Variants in FGF13 observed in about 807,000 individuals in gnomAD.
FGF13 encodes the protein fibroblast growth factor 13, also known as fibroblast growth factor homologous factor 2.
FGF13 carries 2 observed loss-of-function variants against 19.5 expected under a neutral mutation model. The observed-to-expected ratio is 0.10, with a 90% confidence interval of 0.04 to 0.32. FGF13 has a LOEUF of 0.32. Ranked by LOEUF, FGF13 falls within the 10% of genes least tolerant of loss-of-function variation. FGF13 has a pLI of 1.00. For synonymous variants in FGF13, 72 were observed against 76.9 expected (o/e 0.94, Z 0.33); for missense variants, 113 against 192.7 (o/e 0.59, Z 2.45).
At chrX:139,060,645 G>C (rs1021861273) in intron 1 of FGF13, among the ~76,000 whole-genome samples, 6 of 111,362 alleles carry the variant, frequency 5.4e-5, no homozygotes, top group African/African-American at 2.0e-4. Context: ...CTCCATTGTG[G>C]TAATCATATA....
At chrX:138,891,303 T>A (rs2091475866) in intron 1 of FGF13, among the ~76,000 whole-genome samples, 1 of 110,860 alleles carries the variant, frequency 9.0e-6, no homozygotes, top group Admixed American at 9.6e-5. Flanking sequence ...GAAAAAAAAA[T>A]TGTTCCTCAC....
At chrX:139,124,054 C>T (rs1001882008) in intron 1 of FGF13, among the ~76,000 whole-genome samples, 1 of 112,330 alleles carries the variant, frequency 8.9e-6, no homozygotes, top group Non-Finnish European at 1.9e-5. Context: ...CGGGGAACCC[C>T]ACTCTCTTGA....
intron 1 of FGF13, among the ~76,000 whole-genome samples, chrX:138,947,745 A>T (rs2091789141): frequency 8.9e-6 from 1 of 111,868 alleles, no homozygotes; most frequent in Admixed American, 9.5e-5. Flanking sequence ...CTGAACTGTC[A>T]CTACCCAAAG....
At chrX:138,915,350 C>G (rs1164435900) in intron 1 of FGF13, among the ~76,000 whole-genome samples, 2 of 111,612 alleles carry the variant, frequency 1.8e-5, no homozygotes, top group Non-Finnish European at 3.8e-5. Context: ...ATCCAATAAA[C>G]TTGGAAGAAG....
chrX:138,801,971 C>T (rs982632620), intron 3 of FGF13, among the ~76,000 whole-genome samples: 3 of 112,072 alleles, frequency 2.7e-5, no homozygotes, highest in Admixed American at 9.4e-5. Flanking sequence ...CAGACTGCTG[C>T]GCTGGCAGCA....
rs55905530 is a variant in FGF13 at position 138,962,224 on chromosome X, G to T, written c.-112-97574C>A. Among the ~76,000 whole-genome samples, 569 of 112,353 alleles carry T rather than the reference G, an allele frequency of 5.1e-3. 4 individuals carry two copies. The highest frequency in any genetic ancestry group is 8.0e-3 in the Non-Finnish European group (425 of 53,276). On this transcript the variant is annotated intron_variant, in intron 1 of 2. Transcript: ENST00000421460. ...CTTCTCAAAAGAAGACATTTATGCAGCCAACAGACACATGAAAAAATGCTC... is the reference window on the plus strand; with the variant it reads ...CTTCTCAAAAGAAGACATTTATGCATCCAACAGACACATGAAAAAATGCTC...
At chrX:139,078,577 CA>C (rs2083347375) in intron 1 of FGF13, among the ~76,000 whole-genome samples, 1 of 112,901 alleles carries the variant, frequency 8.9e-6, no homozygotes, top group African/African-American at 3.2e-5. Context: ...AGTTCCATAA[CA>C]AATGCAGATC....
intron 1 of FGF13, among the ~76,000 whole-genome samples, chrX:139,034,156 T>C (rs2092242247): frequency 8.9e-6 from 1 of 111,970 alleles, no homozygotes. Flanking sequence ...CCAGGCACTG[T>C]GCTAGGTGCT....
chrX:138,693,163 AT>A (rs2089856337), intron 3 of FGF13, among the ~76,000 whole-genome samples: 1 of 112,069 alleles, frequency 8.9e-6, no homozygotes, highest in Admixed American at 9.5e-5. Flanking sequence ...TTTTCTTCAT[AT>A]TTTAGTGAAA....
chrX:139,180,000 T>C (rs2089002394), intron 1 of FGF13, among the ~76,000 whole-genome samples: 1 of 112,908 alleles, frequency 8.9e-6, no homozygotes, highest in Admixed American at 9.3e-5. Context: ...GTCAGTTACA[T>C]AAATTTCAAC....
chrX:138,821,180 C>T (rs913004452), intron 3 of FGF13, among the ~76,000 whole-genome samples: 2 of 111,122 alleles, frequency 1.8e-5, no homozygotes, highest in Non-Finnish European at 3.8e-5. Flanking sequence ...AAGCCTTCAT[C>T]TTAGGCTTTA....
chrX:138,775,454 T>C (rs1189170600), intron 3 of FGF13, among the ~76,000 whole-genome samples: 3 of 111,960 alleles, frequency 2.7e-5, no homozygotes, highest in Non-Finnish European at 5.6e-5. Flanking sequence ...ACTTGGGGTG[T>C]CTACAACACC....
chrX:138,831,464 C>A (rs965623306), intron 3 of FGF13, among the ~76,000 whole-genome samples: 4 of 111,599 alleles, frequency 3.6e-5, no homozygotes, highest in Admixed American at 2.8e-4. Flanking sequence ...GGGCCCAATC[C>A]CAACCTCAGT....
At chrX:138,824,970 A>G (rs1045836634) in intron 3 of FGF13, among the ~76,000 whole-genome samples, 2 of 111,924 alleles carry the variant, frequency 1.8e-5, no homozygotes, top group African/African-American at 6.5e-5. Flanking sequence ...GTAGCTTCCA[A>G]TACATTTTTT....
intron 1 of FGF13, among the ~76,000 whole-genome samples, chrX:139,002,458 C>G (rs1034326577): frequency 1.8e-5 from 2 of 111,276 alleles, no homozygotes; most frequent in African/African-American, 6.5e-5. Flanking sequence ...ACAAGGACTG[C>G]AAATTCAAGG....
intron 1 of FGF13, among the ~76,000 whole-genome samples, chrX:139,123,811 TA>T (rs1303831849): frequency 8.9e-6 from 1 of 112,316 alleles, no homozygotes; most frequent in African/African-American, 3.2e-5. Flanking sequence ...AGTCCTAAAT[TA>T]AGGCCCAGTA....
intron 1 of FGF13, among the ~76,000 whole-genome samples, chrX:138,876,537 G>A (rs959681139): frequency 8.9e-6 from 1 of 112,235 alleles, no homozygotes; most frequent in African/African-American, 3.2e-5. Context: ...GAAGTCTCTA[G>A]GAGCTCGGAA....
chrX:138,732,807 C>T (rs914227452), intron 1 of FGF13, among the ~76,000 whole-genome samples: 2 of 110,760 alleles, frequency 1.8e-5, no homozygotes, highest in Middle Eastern at 4.6e-3. Context: ...GGCGAGGGGA[C>T]GACAACAATG....
At chrX:139,037,393 G>C (rs1391354266) in intron 1 of FGF13, among the ~76,000 whole-genome samples, 1 of 110,130 alleles carries the variant, frequency 9.1e-6, no homozygotes, top group African/African-American at 3.3e-5. Flanking sequence ...GAATTAGAAA[G>C]CTATTTTATT....
Sources: gnomAD v4.1 joint callset for allele counts (sites outside exome capture counted in the v4.1 genomes callset) on GRCh38, gnomAD v4.1.1 for gene constraint, MANE v1.5 for transcripts, NCBI Gene and HGNC (gene_info 2026-07-23, HGNC 2026-07-21) for gene names.